NEB: variants seen among roughly 807,000 people sequenced by gnomAD.
NEB encodes the protein nemaline myopathy type 2.
Under a neutral mutation model 952.2 loss-of-function variants are expected in NEB, and 512 were observed. The observed-to-expected ratio is 0.54, with a 90% CI of 0.50 to 0.58. The LOEUF (loss-of-function observed/expected upper bound fraction) is 0.58, where lower values mean the gene tolerates loss of function less well. Among genes scored for constraint, NEB ranks in the 20% least tolerant of loss-of-function variants. The probability of loss-of-function intolerance (pLI) is 0.00; values close to 1 mark genes in which losing one functional copy is unlikely to be tolerated. For missense variants in NEB, 8,428 were observed against 9,231.1 expected (o/e 0.91, Z 3.56); for synonymous variants, 2,900 against 3,149.8 (o/e 0.92, Z 2.66).
At chr2:151,682,306 C>A (rs1213009740) in intron 29 of NEB, among the ~76,000 whole-genome samples, 1 of 152,112 alleles carries the variant, frequency 6.6e-6, no homozygotes, top group African/African-American at 2.4e-5. Flanking sequence ...TAAAACTTGT[C>A]AAAGTGTACA....
chr2:151,650,316 C>G lies in NEB; in HGVS notation c.7291G>C (p.Glu2431Gln). The change falls in exon 54 of 182, where the codon GAG (glutamate) becomes CAG (glutamine). Residue 2431 changes from glutamate to glutamine, a missense_variant. Glu to Gln is a conservative substitution (Grantham distance 29). This residue lies in a region of NEB where 1,772 missense variants were observed against 1,960.3 expected (regional missense o/e 0.90). Coordinates refer to ENST00000397345, the MANE Select transcript of NEB (RefSeq NM_001164508.2). Reference protein sequence around the residue: ...GIGWSPLGSLEAEKNKRASEI... With the variant: ...GIGWSPLGSLQAEKNKRASEI... The stretch of plus-strand genomic sequence containing the variant: ...GAAGCCCGCTTGTTCTTTTCTGCCT[C>G]TAAAGAACCCAAGGGACTCCATCCT... 6.2e-7 allele frequency: 1 copy of G among 1,613,866 alleles called. No homozygotes were observed. Among genetic ancestry groups the G allele is most frequent in the Non-Finnish European group, 8.5e-7 (1 of 1,179,836 alleles).
At chr2:151,569,221 A>G in intron 110 of NEB, 47 bp downstream of exon 110, 2 of 1,491,690 alleles carry the variant, frequency 1.3e-6, no homozygotes, top group Non-Finnish European at 9.4e-7. Context: ...GCATTTTGTC[A>G]CTTTCTTGGG....
In NEB at chr2:151,535,723, G is replaced by A; in HGVS notation, c.21280C>T (p.His7094Tyr). ...ATCAATTGAGTTGCATACTTGAAAT[G>A]CCTATTGATCGGAGAGTCGGCAACA... is the stretch of plus-strand genomic sequence containing the variant. The part of the protein sequence containing the change: ...KYVADSPINR[H>Y]FKYATQLMNE... The change falls in exon 142 of 182, where the codon CAT (histidine) becomes TAT (tyrosine). Residue 7094 changes from histidine (H) to tyrosine (Y), a missense_variant. Physicochemically the swap from His to Tyr is moderately conservative, Grantham distance 83 (BLOSUM62 2). Around this residue, in one of 11 missense-constraint regions of NEB, gnomAD observed 3,374 missense variants for 3,651.5 expected, o/e 0.92. Transcript: ENST00000397345. 6.2e-7 allele frequency: 1 copy of A among 1,608,946 alleles called. No individual in the cohort carries two copies. The highest frequency in any genetic ancestry group is 8.5e-7 in the Non-Finnish European group (1 of 1,177,106).
intron 60 of NEB, among the ~76,000 whole-genome samples, chr2:151,641,624 C>T (rs893601629): frequency 6.6e-6 from 1 of 152,120 alleles, no homozygotes; most frequent in African/African-American, 2.4e-5. Flanking sequence ...AGCCATGGTG[C>T]CTGACCTATA....
intron 181 of NEB, among the ~76,000 whole-genome samples, chr2:151,489,392 A>G (rs2054156214): frequency 6.6e-6 from 1 of 152,166 alleles, no homozygotes; most frequent in South Asian, 2.1e-4. Context: ...GGCACATTGC[A>G]TACATCTATA....
intron 176 of NEB, 41 bp downstream of exon 176, chr2:151,493,312 T>G (rs775300903): frequency 2.8e-6 from 4 of 1,427,244 alleles, no homozygotes; most frequent in Admixed American, 3.5e-5. Context: ...AATGTTATTT[T>G]CCAAGTTGTT....
intron 128 of NEB, 24 bp from the exon 129 acceptor site, chr2:151,551,869 A>G (rs2095360956): frequency 6.5e-7 from 1 of 1,538,310 alleles, no homozygotes; most frequent in Admixed American, 1.8e-5. Flanking sequence ...AAGCATTGTT[A>G]GAAGCAAAGA....
chr2:151,494,815 AT>A (rs2059101715), intron 173 of NEB, among the ~76,000 whole-genome samples: 1 of 151,912 alleles, frequency 6.6e-6, no homozygotes, highest in African/African-American at 2.4e-5. Flanking sequence ...TGCCCGGCTA[AT>A]TTTTGTATTT....
At chr2:151,497,861 A>G in intron 170 of NEB, 143 bp from the exon 171 acceptor site, 1 of 1,510,946 alleles carries the variant, frequency 6.6e-7, no homozygotes, top group Non-Finnish European at 8.8e-7. Flanking sequence ...CTTTAGTGGA[A>G]GCTGTTGTTG....
intron 62 of NEB, 107 bp downstream of exon 62, chr2:151,639,750 G>T: frequency 1.1e-6 from 1 of 931,328 alleles, no homozygotes; most frequent in Non-Finnish European, 1.6e-6. Context: ...TAGACAGATA[G>T]ATAGATGCCT....
chr2:151,562,848 A>G (rs755471043), intron 119 of NEB, 40 bp from the exon 120 acceptor site: 3 of 1,407,976 alleles, frequency 2.1e-6, no homozygotes, highest in Non-Finnish European at 2.9e-6. Flanking sequence ...AGGGGTTTAA[A>G]TGTAAATTAT....
chr2:151,642,956 T>A lies in NEB; in HGVS notation c.8161-87A>T, dbSNP rs1560896234. 5 of 1,266,476 alleles carry A rather than the reference T, an allele frequency of 3.9e-6. No individual in the cohort carries two copies. The South Asian group carries it at 4.3e-5, about 11-fold the overall frequency. The allele number at this position is 1,266,476 out of a possible 1,614,324, so 78.5% of individuals were successfully genotyped here. On this transcript the variant is annotated intron_variant, in intron 58 of 181. Coordinates refer to ENST00000397345, the MANE Select transcript of NEB (RefSeq NM_001164508.2). ...TCTGATTTTTAATGAGAATCAAGAA[T>A]TTCAGCTCAGTGAATCGGTATTTGT... is the stretch of plus-strand genomic sequence containing the variant.
chr2:151,548,805 A>G (rs967913039), intron 130 of NEB, among the ~76,000 whole-genome samples: 2 of 152,162 alleles, frequency 1.3e-5, no homozygotes, highest in African/African-American at 4.8e-5. Context: ...ATTTTAACAC[A>G]TCCTTTAGGT....
Position 151,655,993 on chromosome 2 carries a change from A to C in NEB, c.6526T>G (p.Tyr2176Asp), listed in dbSNP as rs776624491. ...NEYKQDYNEW[Y>D]KGLGWSPAGS... ...GCTGGACTCCAGCCAAGCCCTTTGT[A>C]CCATTCATTGTAATCTTGCTTATAT... is the stretch of plus-strand genomic sequence containing the variant. Residue 2176 changes from tyrosine to aspartate, a missense_variant, in exon 50 of 182, where the codon TAC becomes GAC. Coordinates refer to ENST00000397345, the MANE Select transcript of NEB (RefSeq NM_001164508.2). The C allele has an allele frequency of 9.9e-6, 16 of 1,613,502 alleles. No homozygotes were observed. Among genetic ancestry groups the C allele is most frequent in the Middle Eastern group, 1.6e-4 (1 of 6,080 alleles).
chr2:151,551,338 A>T (rs1419418222), intron 129 of NEB, among the ~76,000 whole-genome samples: 1 of 152,212 alleles, frequency 6.6e-6, no homozygotes, highest in Non-Finnish European at 1.5e-5. Flanking sequence ...ACCATTGGGT[A>T]ACATAGAATA....
chr2:151,661,389 T>C (rs1401731557), intron 46 of NEB, among the ~76,000 whole-genome samples: 2 of 152,204 alleles, frequency 1.3e-5, no homozygotes, highest in African/African-American at 4.8e-5. Context: ...TGGCTTAGCA[T>C]AATACAGTTC....
At chr2:151,642,721 C>T (rs2098893887) in intron 59 of NEB, 40 bp from the exon 60 acceptor site, 2 of 1,606,534 alleles carry the variant, frequency 1.2e-6, no homozygotes, top group African/African-American at 1.3e-5. Flanking sequence ...TTATAAAGTG[C>T]ATTGTAAGGA....
chr2:151,652,414 A>C (rs2099040951), intron 52 of NEB, among the ~76,000 whole-genome samples: 1 of 152,052 alleles, frequency 6.6e-6, no homozygotes, highest in Non-Finnish European at 1.5e-5. Flanking sequence ...TTGTAAAGAA[A>C]GAGTCTCACT....
At chr2:151,699,061 G>A (rs1442846308) in intron 13 of NEB, among the ~76,000 whole-genome samples, 2 of 140,470 alleles carry the variant, frequency 1.4e-5, no homozygotes, top group Non-Finnish European at 3.1e-5. Flanking sequence ...CCCTTCCTGT[G>A]TCCATGTGAT....
Sources: gnomAD v4.1 joint callset for allele counts (sites outside exome capture counted in the v4.1 genomes callset) on GRCh38, gnomAD v4.1.1 for gene constraint, gnomAD v4.1.1 regional missense constraint, MANE v1.5 for transcripts, NCBI Gene and HGNC (gene_info 2026-07-23, HGNC 2026-07-21) for gene names.